Variants in ITIH2 observed in about 807,000 individuals in gnomAD.
The protein encoded by ITIH2 is inter-alpha-trypsin inhibitor heavy chain H2.
Under a neutral mutation model 104.4 loss-of-function variants are expected in ITIH2, and 103 were observed. The ratio of observed to expected loss-of-function variants is 0.99; its 90% CI spans 0.84 to 1.16. The LOEUF is 1.16. Among genes scored for constraint, ITIH2 ranks in the 50% most tolerant of loss-of-function variants. ITIH2 has a pLI of 0.00. For synonymous variants in ITIH2, 436 were observed against 435.4 expected (o/e 1.00, Z -0.02); for missense variants, 1,108 against 1,162.4 (o/e 0.95, Z 0.68).
At chr10:7,712,294 C>T (rs1834803593) in intron 4 of ITIH2, among the ~76,000 whole-genome samples, 1 of 152,152 alleles carries the variant, frequency 6.6e-6, no homozygotes, top group Non-Finnish European at 1.5e-5. Context: ...GATGAGAGAG[C>T]TCTTCGAAGT....
intron 6 of ITIH2, among the ~76,000 whole-genome samples, chr10:7,718,137 T>A (rs562256047): frequency 2.6e-5 from 4 of 152,224 alleles, no homozygotes; most frequent in Non-Finnish European, 4.4e-5. Flanking sequence ...GGAGAGCCCG[T>A]TCCTTGCTTC....
At chr10:7,716,116 C>T in intron 5 of ITIH2, among the ~76,000 whole-genome samples, 1 of 152,128 alleles carries the variant, frequency 6.6e-6, no homozygotes, top group East Asian at 1.9e-4. Flanking sequence ...TCCTGAGTAG[C>T]TAGGATTACA....
chr10:7,710,788 G>A (rs368223290), intron 4 of ITIH2, among the ~76,000 whole-genome samples: 9 of 152,256 alleles, frequency 5.9e-5, no homozygotes, highest in African/African-American at 2.2e-4. Context: ...AAGGGAGAAG[G>A]AAAGGCTTTT....
chr10:7,722,307 G>A (rs534946871), intron 8 of ITIH2, among the ~76,000 whole-genome samples: 1 of 142,168 alleles, frequency 7.0e-6, no homozygotes, highest in African/African-American at 2.9e-5. Context: ...TCTAGGGACA[G>A]CAAGCGGAGC....
intron 15 of ITIH2, among the ~76,000 whole-genome samples, chr10:7,737,681 C>CTATATATTA (rs1472348297): frequency 1.8e-4 from 4 of 22,466 alleles, no homozygotes; most frequent in African/African-American, 8.5e-4. Flanking sequence ...TCTATATTTT[C>CTATATATTA]TATATTATAT....
Position 7,737,641 on chromosome 10 carries a change from G to T in ITIH2, c.1958-980G>T, listed in dbSNP as rs9664963. Among the ~76,000 whole-genome samples, 26 of 84,958 alleles carry T rather than the reference G, an allele frequency of 3.1e-4. 1 individual carries two copies. Among genetic ancestry groups the T allele is most frequent in the African/African-American group, 4.5e-4 (8 of 17,878 alleles). 55.7% of individuals were successfully genotyped at this position (84,958 alleles called of 152,430 possible). On this transcript the variant is annotated intron_variant, in intron 15 of 20. Transcript: ENST00000358415. The stretch of plus-strand genomic sequence containing the variant: ...TCTATATTATATTCTATATTCTATA[G>T]AATATTCTATATTATATTCTATATT...
rs997271710 is a variant in ITIH2, at chr10:7,721,856, A to G, written c.867+79A>G. The G allele has an allele frequency of 1.1e-5, 16 of 1,519,026 alleles. No homozygotes were observed. In the African/African-American group the frequency reaches 1.9e-4, roughly 18 times the overall value. 94.1% of individuals were successfully genotyped at this position (1,519,026 alleles called of 1,614,324 possible). A position where few individuals can be genotyped will look rare whatever the true frequency, so the allele number is the denominator to read the frequency against. ...CCTTTTTGAACAAACTCCCAGGCCT[A>G]TGGGTGGTTTCTAGCTGCCAGGGCA... On this transcript the variant is annotated intron_variant, in intron 8 of 20. Transcript: ENST00000358415.
rs902163004 is a variant in ITIH2, at chr10:7,720,868, G to A, written c.643G>A (p.Val215Ile). 2.5e-6 allele frequency: 4 copies of A among 1,607,318 alleles called. No individual in the cohort carries two copies. The highest frequency in any genetic ancestry group is 3.4e-6 in the Non-Finnish European group (4 of 1,173,950). The change falls in exon 7 of 21, where the codon GTT becomes ATT. Residue 215 changes from valine (V) to isoleucine (I), a missense_variant. Val to Ile is a conservative substitution (Grantham distance 29). Coordinates refer to ENST00000358415, the MANE Select transcript of ITIH2 (RefSeq NM_002216.3). ...LAKHLEVDVWVIEPQGLRFLH... is the reference protein window; with the variant it reads ...LAKHLEVDVWIIEPQGLRFLH... ...CTTGCATCTCTAGGTAGATGTGTGG[G>A]TTATCGAACCACAGGGACTGAGATT...
chr10:7,735,341 A>G (rs534190188), intron 15 of ITIH2, among the ~76,000 whole-genome samples: 3 of 152,248 alleles, frequency 2.0e-5, no homozygotes, highest in South Asian at 2.1e-4. Flanking sequence ...CATTTTTGAC[A>G]TCAATATTTG....
Position 7,749,190 on chromosome 10 carries a change from C to A in ITIH2, c.2697C>A (p.Gly899=), listed in dbSNP as rs775245238. ...VKGQKLIITR[G]LQKDYRTDLV... is the part of the protein sequence containing the mutation. Reference sequence around the variant, plus strand: ...CACATGCCTTGCTTCCTTGCAGGGGCTTACAGAAAGACTACAGAACGGATC... The same window carrying A: ...CACATGCCTTGCTTCCTTGCAGGGGATTACAGAAAGACTACAGAACGGATC... The change falls in exon 21 of 21, where the codon GGC becomes GGA. Residue 899 remains glycine, a synonymous_variant. Transcript: ENST00000358415. 6 of 1,613,856 alleles carry A rather than the reference C, an allele frequency of 3.7e-6. No homozygotes were observed. Among genetic ancestry groups the A allele is most frequent in the Non-Finnish European group, 5.1e-6 (6 of 1,179,980 alleles).
intron 12 of ITIH2, among the ~76,000 whole-genome samples, chr10:7,731,202 C>G (rs1834999466): frequency 6.6e-6 from 1 of 152,102 alleles, no homozygotes. Context: ...ACAGGTCAAG[C>G]CACCATGCCC....
At chr10:7,708,261 G>C (rs895757831) in intron 3 of ITIH2, among the ~76,000 whole-genome samples, 3 of 152,236 alleles carry the variant, frequency 2.0e-5, no homozygotes, top group Non-Finnish European at 4.4e-5. Flanking sequence ...ACCTGAAGGA[G>C]CTTGCAGCTC....
Position 7,749,362 on chromosome 10 carries a change from A to ATG in ITIH2, c.*29_*30insGT, listed in dbSNP as rs747452040. ...GTTTATAGTTTGGGAAATTATATATATTAATATACATCTTTCCCCTGTCAC... is the reference window on the plus strand; with the variant it reads ...GTTTATAGTTTGGGAAATTATATATATGTTAATATACATCTTTCCCCTGTCAC... On this transcript the variant is annotated 3_prime_UTR_variant, in exon 21 of 21. Transcript: ENST00000358415. The ATG allele has an allele frequency of 6.4e-7, 1 of 1,562,406 alleles. No homozygotes were observed. The highest frequency in any genetic ancestry group is 2.2e-5 in the East Asian group (1 of 44,528).
At chr10:7,721,059 G>A (rs1212593038) in intron 7 of ITIH2, 96 bp downstream of exon 7, 3 of 804,066 alleles carry the variant, frequency 3.7e-6, no homozygotes, top group Non-Finnish European at 6.4e-6. Flanking sequence ...AAAGCAGGCT[G>A]GTGTTGAGGA....
chr10:7,743,122 A>T lies in ITIH2; in HGVS notation c.2096-24A>T. 1 of 1,057,638 alleles carries T rather than the reference A, an allele frequency of 9.5e-7. No homozygotes were observed. The highest frequency in any genetic ancestry group is 1.4e-6 in the Non-Finnish European group (1 of 701,366). The allele number at this position is 1,057,638 out of a possible 1,614,324, so 65.5% of individuals were successfully genotyped here. The stretch of plus-strand genomic sequence containing the variant: ...CATCTTCCTTTTAATGATTTTGTTT[A>T]CGTTTTCTTTGTATATTTTCCAGTT... On this transcript the variant is annotated intron_variant, in intron 16 of 20. Coordinates refer to ENST00000358415, the MANE Select transcript of ITIH2 (RefSeq NM_002216.3).
chr10:7,715,833 CAGG>C (rs1834844014), intron 5 of ITIH2, among the ~76,000 whole-genome samples: 2 of 152,150 alleles, frequency 1.3e-5, no homozygotes, highest in Non-Finnish European at 2.9e-5. Context: ...ATCCACCTCC[CAGG>C]TCTAAGCAAT....
At chr10:7,720,410 A>G (rs1165729131) in intron 6 of ITIH2, among the ~76,000 whole-genome samples, 1 of 152,242 alleles carries the variant, frequency 6.6e-6, no homozygotes, top group African/African-American at 2.4e-5. Context: ...GGATTTCCCT[A>G]GATGAGGTCT....
intron 12 of ITIH2, 82 bp from the exon 13 acceptor site, chr10:7,731,725 AAAAT>A: frequency 2.2e-4 from 227 of 1,040,014 alleles, no homozygotes; most frequent in Middle Eastern, 2.9e-4. Flanking sequence ...ACATCGTCTC[AAAAT>A]AAATAAATAA....
rs1371992813 is a variant in ITIH2 at position 7,737,676 on chromosome 10, ATT to A, written c.1958-942_1958-941del. ...TATTATATTCTATATTATATTCTAT[ATT>A]TTCTATATTATATTCTATATAATAT... On this transcript the variant is annotated intron_variant, in intron 15 of 20. Coordinates refer to ENST00000358415, the MANE Select transcript of ITIH2 (RefSeq NM_002216.3). Among the ~76,000 whole-genome samples the A allele has an allele frequency of 2.4e-3, 61 of 25,320 alleles. 12 individuals carry two copies. Among genetic ancestry groups the A allele is most frequent in the Admixed American group, 6.8e-3 (10 of 1,460 alleles). The allele number at this position is 25,320 out of a possible 152,430, so 16.6% of individuals were successfully genotyped here. A position where few individuals can be genotyped will look rare whatever the true frequency, so the allele number is the denominator to read the frequency against.
Sources: gnomAD v4.1 joint callset for allele counts (sites outside exome capture counted in the v4.1 genomes callset) on GRCh38, gnomAD v4.1.1 for gene constraint, MANE v1.5 for transcripts, NCBI Gene and HGNC (gene_info 2026-07-23, HGNC 2026-07-21) for gene names.